Variants in SGMS1 observed in about 807,000 individuals in gnomAD.
The protein encoded by SGMS1 is sphingomyelin synthase 1.
Under a neutral mutation model 46.2 loss-of-function variants are expected in SGMS1, and 13 were observed. The observed-to-expected ratio is 0.28, with a 90% CI of 0.18 to 0.45. The LOEUF is 0.45. SGMS1 is among the 20% of genes least tolerant of loss of function. SGMS1 has a pLI of 1.00. For missense variants in SGMS1, 324 were observed against 519.9 expected (o/e 0.62, Z 3.66); for synonymous variants, 203 against 187.8 (o/e 1.08, Z -0.66).
rs1248744471 is a variant in SGMS1 at position 50,343,814 on chromosome 10, T to C, written c.301A>G (p.Lys101Glu). 2 of 1,614,048 alleles carry C rather than the reference T, an allele frequency of 1.2e-6. No individual in the cohort carries two copies. The highest frequency in any genetic ancestry group is 1.7e-6 in the Non-Finnish European group (2 of 1,180,034). Residue 101 changes from lysine to glutamate, a missense_variant, in exon 7 of 11, where the codon AAG becomes GAG. Transcript: ENST00000361781. ...IPTPDGSFSI[K>E]IKPNGMPNGY... is the part of the protein sequence containing the mutation. Reference sequence around the variant, plus strand: ...TTTGGCATCCCGTTGGGTTTAATCTTGATGCTGAAGCTGCCGTCGGGGGTG... The same window carrying C: ...TTTGGCATCCCGTTGGGTTTAATCTCGATGCTGAAGCTGCCGTCGGGGGTG...
At chr10:50,563,404 T>A (rs1232323752) in intron 2 of SGMS1, among the ~76,000 whole-genome samples, 1 of 152,124 alleles carries the variant, frequency 6.6e-6, no homozygotes, top group Non-Finnish European at 1.5e-5. Flanking sequence ...TGAACTTCTA[T>A]AAAACACAAT....
chr10:50,439,416 C>A (rs149926504), intron 5 of SGMS1, among the ~76,000 whole-genome samples: 1 of 152,298 alleles, frequency 6.6e-6, no homozygotes, highest in Non-Finnish European at 1.5e-5. Flanking sequence ...TAGTCCCAGC[C>A]TCTCAGTTGA....
intron 3 of SGMS1, among the ~76,000 whole-genome samples, chr10:50,508,601 A>C (rs1392493517): frequency 6.6e-6 from 1 of 152,204 alleles, no homozygotes; most frequent in Admixed American, 6.5e-5. Flanking sequence ...CTTTAAGTAA[A>C]GGATCTCCAA....
At position 50,604,486 on chromosome 10, in the gene SGMS1, G is replaced by A. The variant is rs557733053; in HGVS notation, c.-683-14239C>T. On this transcript the variant is annotated intron_variant, in intron 1 of 10. Transcript: ENST00000361781. ...GCCTAGACGTCTGATACAGTGCCAG[G>A]TTAGCTCACTGCACTTGAAATTTTA... is the stretch of plus-strand genomic sequence containing the variant. 7.2e-5 allele frequency among the ~76,000 whole-genome samples: 11 copies of A among 152,302 alleles called. No homozygotes were observed. In the South Asian group the frequency reaches 2.3e-3, roughly 32 times the overall value.
intron 5 of SGMS1, among the ~76,000 whole-genome samples, chr10:50,448,986 C>T (rs909920328): frequency 6.6e-5 from 10 of 151,956 alleles, no homozygotes; most frequent in Non-Finnish European, 7.4e-5. Flanking sequence ...ATCAGGGAAA[C>T]GCAAATTAAG....
chr10:50,321,178 A>G (rs1347133518), intron 8 of SGMS1, among the ~76,000 whole-genome samples: 1 of 152,246 alleles, frequency 6.6e-6, no homozygotes, highest in Non-Finnish European at 1.5e-5. Flanking sequence ...AGTTTATACA[A>G]TAATGTAAAA....
At chr10:50,588,910 T>C (rs913149514) in intron 2 of SGMS1, among the ~76,000 whole-genome samples, 2 of 152,004 alleles carry the variant, frequency 1.3e-5, no homozygotes, top group African/African-American at 4.8e-5. Context: ...TTTGTATTTT[T>C]AGTAGAGACA....
chr10:50,327,400 C>T (rs887954607), intron 7 of SGMS1, 78 bp from the exon 8 acceptor site: 4 of 850,074 alleles, frequency 4.7e-6, no homozygotes, highest in Non-Finnish European at 7.8e-6. Context: ...TTCAATGACT[C>T]AATAAAAACA....
At chr10:50,374,955 C>T (rs1332070690) in intron 6 of SGMS1, among the ~76,000 whole-genome samples, 1 of 152,038 alleles carries the variant, frequency 6.6e-6, no homozygotes, top group East Asian at 1.9e-4. Flanking sequence ...TTAATGCCTT[C>T]GCAGCCCGAG....
intron 1 of SGMS1, among the ~76,000 whole-genome samples, chr10:50,598,833 A>T (rs1838621217): frequency 6.6e-6 from 1 of 152,204 alleles, no homozygotes; most frequent in Admixed American, 6.5e-5. Context: ...CCTGCAACAA[A>T]CATTCTAAAG....
intron 4 of SGMS1, among the ~76,000 whole-genome samples, chr10:50,461,922 G>C (rs1270450556): frequency 6.6e-6 from 1 of 151,912 alleles, no homozygotes; most frequent in East Asian, 1.9e-4. Context: ...TCAAACATAG[G>C]TACAAAGAAA....
chr10:50,601,042 C>T (rs1223892987), intron 1 of SGMS1, among the ~76,000 whole-genome samples: 1 of 152,208 alleles, frequency 6.6e-6, no homozygotes, highest in Admixed American at 6.5e-5. Context: ...CAGTGACTAA[C>T]ATGATCATCC....
At chr10:50,549,238 T>G (rs955164284) in intron 2 of SGMS1, among the ~76,000 whole-genome samples, 4 of 152,188 alleles carry the variant, frequency 2.6e-5, no homozygotes, top group African/African-American at 9.7e-5. Flanking sequence ...TAAAGATACA[T>G]GCACACGTAC....
chr10:50,464,520 C>CA (rs1346677196), intron 4 of SGMS1, among the ~76,000 whole-genome samples: 1 of 152,236 alleles, frequency 6.6e-6, no homozygotes, highest in East Asian at 1.9e-4. Flanking sequence ...GCAACCTCTG[C>CA]CTCCAGGGTT....
chr10:50,488,205 G>A (rs992242780), intron 3 of SGMS1, among the ~76,000 whole-genome samples: 1 of 151,860 alleles, frequency 6.6e-6, no homozygotes, highest in African/African-American at 2.4e-5. Flanking sequence ...GTAGAGACGG[G>A]TTTTCATCTT....
At chr10:50,353,463 C>T (rs1292268348) in intron 6 of SGMS1, among the ~76,000 whole-genome samples, 2 of 152,292 alleles carry the variant, frequency 1.3e-5, no homozygotes, top group Non-Finnish European at 2.9e-5. Flanking sequence ...CTATCTATGA[C>T]AAACCCACAG....
intron 1 of SGMS1, among the ~76,000 whole-genome samples, chr10:50,590,965 A>G (rs1387610289): frequency 6.6e-6 from 1 of 151,698 alleles, no homozygotes; most frequent in African/African-American, 2.4e-5. Context: ...CACACTTAGA[A>G]GGCATCCACG....
intron 2 of SGMS1, among the ~76,000 whole-genome samples, chr10:50,552,659 T>G (rs928705554): frequency 6.6e-6 from 1 of 152,216 alleles, no homozygotes; most frequent in African/African-American, 2.4e-5. Flanking sequence ...TATTTGCCAC[T>G]GTAGTAGGCT....
Position 50,398,575 on chromosome 10 carries a change from G to T in SGMS1, c.-232+34901C>A, listed in dbSNP as rs187334789. Among the ~76,000 whole-genome samples the T allele has an allele frequency of 5.3e-5, 8 of 152,264 alleles. No individual in the cohort carries two copies. The East Asian group carries it at 1.5e-3, about 29-fold the overall frequency. ...AACTTTTCAGTGTTACTTCTCATGG[G>T]GGGAGGTTCTGGTAAGTTTTTGCTA... On this transcript the variant is annotated intron_variant, in intron 6 of 10. Transcript: ENST00000361781.
Sources: allele counts gnomAD v4.1 joint callset (sites outside exome capture counted in the v4.1 genomes callset), GRCh38; gene constraint gnomAD v4.1.1; transcripts MANE v1.5; gene names NCBI Gene and HGNC (gene_info 2026-07-23, HGNC 2026-07-21).